The following FARP2 variants were observed in gnomAD, a reference collection of about 807,000 sequenced individuals.
FARP2 encodes the protein FERM, ARH/RhoGEF and pleckstrin domain protein 2.
Under a neutral mutation model 130.5 loss-of-function variants are expected in FARP2, and 111 were observed. That is an observed-to-expected ratio of 0.85 (90% CI 0.73 to 1.00). The LOEUF is 1.00. Ranked by LOEUF, FARP2 falls within the 50% of genes least tolerant of loss-of-function variation. The pLI is 0.00. For synonymous variants in FARP2, 504 were observed against 516.9 expected (o/e 0.98, Z 0.34); for missense variants, 1,385 against 1,346.3 (o/e 1.03, Z -0.45).
intron 26 of FARP2, chr2:241,493,751 G>A (rs749970047): frequency 5.6e-5 from 26 of 466,580 alleles, no homozygotes; most frequent in South Asian, 3.3e-4. Context: ...TGCACGCCAC[G>A]CCGCCTGGCT....
At chr2:241,465,491 G>A (rs192565198) in intron 17 of FARP2, 3 of 1,550,564 alleles carry the variant, frequency 1.9e-6, no homozygotes, top group South Asian at 2.4e-5. Context: ...CATGTAGCAG[G>A]GGTCACAAAA....
chr2:241,459,815 T>TGGGCGGGGCG lies in FARP2; in HGVS notation c.1588-2699_1588-2690dup, dbSNP rs1044112918. Among the ~76,000 whole-genome samples the TGGGCGGGGCG allele has an allele frequency of 3.6e-5, 1 of 28,164 alleles. No homozygotes were observed. The highest frequency in any genetic ancestry group is 6.5e-5 in the Non-Finnish European group (1 of 15,378). The allele number at this position is 28,164 out of a possible 152,430, so 18.5% of individuals were successfully genotyped here. On this transcript the variant is annotated intron_variant, in intron 14 of 26. Coordinates refer to ENST00000264042, the MANE Select transcript of FARP2 (RefSeq NM_014808.4). The surrounding 1 kb of genome is among the most constrained non-coding windows in gnomAD (Gnocchi z 5.3). ...TTCTCACGGTATTCCTTGGGCTGAT[T>TGGGCGGGGCG]GGGCGGGGCGGGGCGGGGGCAGGGG...
At chr2:241,422,530 C>G (rs959776218) in intron 8 of FARP2, among the ~76,000 whole-genome samples, 2 of 152,054 alleles carry the variant, frequency 1.3e-5, no homozygotes, top group African/African-American at 4.8e-5. Context: ...CACAAAAATG[C>G]TGAACACTCA....
chr2:241,413,395 G>A lies in FARP2; in HGVS notation c.597G>A (p.Lys199=), dbSNP rs747816865. The change falls in exon 7 of 27, where the codon AAG becomes AAA. Residue 199 remains lysine (K), a synonymous_variant. Coordinates refer to ENST00000264042, the MANE Select transcript of FARP2 (RefSeq NM_014808.4). The part of the protein sequence containing the change: ...YLPGQQHCLE[K]ILEFHQKHVG... ...CTGGCCAGCAGCACTGCCTTGAGAA[G>A]ATACTAGAATTCCATCAGAAGCACG... The A allele has an allele frequency of 6.2e-7, 1 of 1,611,316 alleles. No homozygotes were observed. Among genetic ancestry groups the A allele is most frequent in the East Asian group, 2.2e-5 (1 of 44,864 alleles).
Position 241,413,216 on chromosome 2 carries a change from TA to T in FARP2, c.509-89del, listed in dbSNP as rs1329524208. 3 of 715,006 alleles carry T rather than the reference TA, an allele frequency of 4.2e-6. No homozygotes were observed. In the South Asian group the frequency reaches 6.4e-5, roughly 15 times the overall value. The allele number at this position is 715,006 out of a possible 1,614,324, so 44.3% of individuals were successfully genotyped here. On this transcript the variant is annotated intron_variant, in intron 6 of 26. Coordinates refer to ENST00000264042, the MANE Select transcript of FARP2 (RefSeq NM_014808.4). ...ATATTCTTTTGCTACAAATTTGGGATAATTTTTTTTTACTTTTAATGTATGC... is the reference window on the plus strand; with the variant it reads ...ATATTCTTTTGCTACAAATTTGGGATATTTTTTTTTACTTTTAATGTATGC...
chr2:241,434,919 T>A, intron 10 of FARP2, 43 bp from the exon 11 acceptor site: 1 of 1,153,316 alleles, frequency 8.7e-7, no homozygotes, highest in Non-Finnish European at 1.3e-6. Context: ...AAATTAATGC[T>A]GACTTACTGT....
Position 241,436,567 on chromosome 2 carries a change from C to T in FARP2, c.1158+29C>T, listed in dbSNP as rs368477771. 2.5e-6 allele frequency: 4 copies of T among 1,589,740 alleles called. No individual in the cohort carries two copies. In the African/African-American group the frequency reaches 4.0e-5, roughly 16 times the overall value. On this transcript the variant is annotated intron_variant, in intron 12 of 26. Coordinates refer to ENST00000264042, the MANE Select transcript of FARP2 (RefSeq NM_014808.4). ...AGTCTCTTCCGGTTCAACATGGGGG[C>T]AGTAGGAGTTCCCTGTACTCTTTTG...
intron 2 of FARP2, among the ~76,000 whole-genome samples, chr2:241,377,481 A>G (rs1336236485): frequency 1.3e-5 from 2 of 152,112 alleles, no homozygotes; most frequent in African/African-American, 2.4e-5. Context: ...AGCTGGGACT[A>G]TAGGCGCCCG....
intron 19 of FARP2, among the ~76,000 whole-genome samples, chr2:241,481,166 C>T (rs2064606005): frequency 6.6e-6 from 1 of 151,846 alleles, no homozygotes; most frequent in Non-Finnish European, 1.5e-5. Context: ...GAGGTCAAGG[C>T]TAGAGTGAAC....
intron 18 of FARP2, among the ~76,000 whole-genome samples, chr2:241,471,899 C>A (rs369741120): frequency 6.6e-6 from 1 of 151,646 alleles, no homozygotes; most frequent in Admixed American, 6.6e-5. Context: ...CTGAGAGGAC[C>A]ATGTTCTGTG....
chr2:241,424,936 C>T (rs1350583121), intron 8 of FARP2, among the ~76,000 whole-genome samples: 1 of 152,160 alleles, frequency 6.6e-6, no homozygotes, highest in Admixed American at 6.5e-5. Flanking sequence ...GGGCTAGACA[C>T]AGTGGCTCAC....
intron 2 of FARP2, chr2:241,387,386 G>T (rs2061809565): frequency 6.6e-6 from 1 of 152,170 alleles, no homozygotes; most frequent in Non-Finnish European, 1.5e-5. Context: ...TTTAAAAAAA[G>T]CTATTAGAAC....
At chr2:241,375,608 A>G (rs80142668) in intron 2 of FARP2, among the ~76,000 whole-genome samples, 2,653 of 152,332 alleles carry the variant, frequency 0.017, 37 homozygotes, top group Non-Finnish European at 0.029. Flanking sequence ...AGAGCTTGTC[A>G]GTTTTAATAA....
intron 7 of FARP2, among the ~76,000 whole-genome samples, chr2:241,417,420 C>T (rs1559750417): frequency 2.6e-5 from 4 of 152,152 alleles, no homozygotes; most frequent in Admixed American, 2.0e-4. Context: ...GAGTCTCGCT[C>T]TGTCACCCAG....
rs2150401805 is a variant in FARP2 at position 241,434,395 on chromosome 2, A to C, written c.1031+74A>C. On this transcript the variant is annotated intron_variant, in intron 10 of 26. Coordinates refer to ENST00000264042, the MANE Select transcript of FARP2 (RefSeq NM_014808.4). ...CTGAGAAAATAGGTAATTCCTAGTC[A>C]AGAAAGAAGTGTTATAAAATATTTC... 5.4e-6 allele frequency: 6 copies of C among 1,110,022 alleles called. No homozygotes were observed. In the South Asian group the frequency reaches 1.1e-4, roughly 21 times the overall value. 68.8% of individuals were successfully genotyped at this position (1,110,022 alleles called of 1,614,324 possible). A position where few individuals can be genotyped will look rare whatever the true frequency, so the allele number is the denominator to read the frequency against.
chr2:241,412,227 C>G (rs542173265), intron 6 of FARP2, among the ~76,000 whole-genome samples: 67 of 152,262 alleles, frequency 4.4e-4, no homozygotes, highest in African/African-American at 1.6e-3. Context: ...GTAAAATCAT[C>G]AGATCTCATG....
intron 1 of FARP2, among the ~76,000 whole-genome samples, chr2:241,359,017 A>G (rs867411990): frequency 3.9e-5 from 6 of 152,332 alleles, no homozygotes; most frequent in Middle Eastern, 3.4e-3. Context: ...GCAAGTAAAC[A>G]TGCTTCCACA....
chr2:241,442,841 C>G, intron 13 of FARP2: 1 of 263,022 alleles, frequency 3.8e-6, no homozygotes, highest in Non-Finnish European at 7.5e-6. Context: ...AGAACTGGTG[C>G]TATACATTCT....
chr2:241,381,301 C>T (rs901682513), intron 2 of FARP2, among the ~76,000 whole-genome samples: 24 of 152,040 alleles, frequency 1.6e-4, no homozygotes. Context: ...CTCAGCTGTA[C>T]CCCGGCCTGC....
Sources: allele counts gnomAD v4.1 joint callset (sites outside exome capture counted in the v4.1 genomes callset), GRCh38; gene constraint gnomAD v4.1.1; non-coding constraint Gnocchi (gnomAD v3.1); transcripts MANE v1.5; gene names NCBI Gene and HGNC (gene_info 2026-07-23, HGNC 2026-07-21).